MUC7: variants seen among roughly 807,000 people sequenced by gnomAD.
MUC7 encodes mucin-7.
A neutral mutation model predicts 2.5 loss-of-function variants in MUC7; 2 were observed. The ratio of observed to expected loss-of-function variants is 0.81; its 90% CI spans 0.33 to 2.55. The LOEUF (loss-of-function observed/expected upper bound fraction) is 2.55, where lower values mean the gene tolerates loss of function less well. Among genes scored for constraint, MUC7 ranks in the 30% most tolerant of loss-of-function variants. MUC7 has a pLI of 0.11. For missense variants in MUC7, 408 were observed against 455.6 expected (o/e 0.90, Z 0.95); for synonymous variants, 133 against 173.4 (o/e 0.77, Z 1.83).
rs546012438 is a variant in MUC7 at position 70,435,348 on chromosome 4, T to C, written c.-93+4661T>C. The stretch of plus-strand genomic sequence containing the variant: ...TTGTGTTGGAGTCTAAGTTTCTTTG[T>C]AGGTCTCTAAGAACTTGCTTTATGA... On this transcript the variant is annotated intron_variant, in intron 1 of 3. Transcript: ENST00000413702. Among the ~76,000 whole-genome samples, 7 of 152,344 alleles carry C rather than the reference T, an allele frequency of 4.6e-5. No individual in the cohort carries two copies. The East Asian group carries it at 1.3e-3, about 29-fold the overall frequency.
chr4:70,449,803 G>A (rs1734236648), intron 1 of MUC7, among the ~76,000 whole-genome samples: 1 of 152,012 alleles, frequency 6.6e-6, no homozygotes, highest in African/African-American at 2.4e-5. Context: ...CAAACATAGA[G>A]TCTCTCTCTC....
At chr4:70,431,624 T>G (rs1231053433) in intron 1 of MUC7, among the ~76,000 whole-genome samples, 1 of 152,186 alleles carries the variant, frequency 6.6e-6, no homozygotes, top group Non-Finnish European at 1.5e-5. Context: ...AGTTGTAGTT[T>G]TCATTGGAAT....
intron 1 of MUC7, among the ~76,000 whole-genome samples, chr4:70,455,356 C>G (rs1348174483): frequency 2.0e-5 from 3 of 152,136 alleles, no homozygotes; most frequent in South Asian, 4.1e-4. Flanking sequence ...TACATTGTTT[C>G]TGATCTCATA....
intron 1 of MUC7, among the ~76,000 whole-genome samples, chr4:70,457,595 A>C (rs11937219): frequency 0.35 from 53,293 of 152,050 alleles, 10,003 homozygotes; most frequent in Admixed American, 0.43. Flanking sequence ...ACCTGTGAAA[A>C]GAGAAGAGGA....
intron 1 of MUC7, among the ~76,000 whole-genome samples, chr4:70,472,503 C>A (rs7685356): frequency 0.014 from 2,056 of 152,206 alleles, 49 homozygotes; most frequent in African/African-American, 0.047. Context: ...AAAAACAAAT[C>A]TGACAATATA....
At chr4:70,432,946 A>G (rs1326815208) in intron 1 of MUC7, among the ~76,000 whole-genome samples, 2 of 152,168 alleles carry the variant, frequency 1.3e-5, no homozygotes, top group Admixed American at 6.5e-5. Flanking sequence ...CTTTCTACAT[A>G]TGGCTAGCCA....
chr4:70,464,709 T>G (rs1734639218), intron 1 of MUC7, among the ~76,000 whole-genome samples: 1 of 152,048 alleles, frequency 6.6e-6, no homozygotes, highest in Non-Finnish European at 1.5e-5. Flanking sequence ...TCCTCCTCTC[T>G]AGGCACGGCA....
At chr4:70,474,276 G>C (rs1309948862) in intron 2 of MUC7, among the ~76,000 whole-genome samples, 6 of 152,032 alleles carry the variant, frequency 3.9e-5, no homozygotes, top group Non-Finnish European at 7.4e-5. Context: ...GGGAAGCCTA[G>C]GAGGGAGGAT....
intron 1 of MUC7, among the ~76,000 whole-genome samples, chr4:70,441,368 G>A (rs1734000710): frequency 6.6e-6 from 1 of 152,108 alleles, no homozygotes; most frequent in Admixed American, 6.6e-5. Context: ...TGAAAATACT[G>A]GAATTGATAA....
In MUC7 at chr4:70,482,946, T is replaced by C. The variant is rs1339293604; in HGVS notation, c.*1068T>C. 6.6e-6 allele frequency: 1 copy of C among 152,362 alleles called. No individual in the cohort carries two copies. The highest frequency in any genetic ancestry group is 2.1e-4 in the South Asian group (1 of 4,830). 9.4% of individuals were successfully genotyped at this position (152,362 alleles called of 1,614,324 possible). On this transcript the variant is annotated 3_prime_UTR_variant, in exon 3 of 3. Transcript: ENST00000304887. Reference sequence around the variant, plus strand: ...CTGTCACTACTACTTAAAACTCTGATGATTATGTTAGATTTTTTTGCTAAC... The same window carrying C: ...CTGTCACTACTACTTAAAACTCTGACGATTATGTTAGATTTTTTTGCTAAC...
intron 1 of MUC7, among the ~76,000 whole-genome samples, chr4:70,454,011 T>C (rs1734355421): frequency 6.6e-6 from 1 of 152,016 alleles, no homozygotes; most frequent in Non-Finnish European, 1.5e-5. Flanking sequence ...TGAGCTTATA[T>C]TCAAAATACA....
chr4:70,456,677 C>G (rs1734423473), intron 1 of MUC7, among the ~76,000 whole-genome samples: 1 of 152,158 alleles, frequency 6.6e-6, no homozygotes, highest in Non-Finnish European at 1.5e-5. Context: ...CACAAGCTAC[C>G]TCCTTTGACA....
At chr4:70,479,268 A>T (rs571507834) in intron 2 of MUC7, among the ~76,000 whole-genome samples, 1 of 152,338 alleles carries the variant, frequency 6.6e-6, no homozygotes, top group South Asian at 2.1e-4. Context: ...TATGTGGTTC[A>T]TTCCCTCAAT....
At position 70,474,418 on chromosome 4, in the gene MUC7, C is replaced by G. The variant is rs185351884; in HGVS notation, c.54+343C>G. 3.3e-5 allele frequency among the ~76,000 whole-genome samples: 5 copies of G among 152,146 alleles called. No individual in the cohort carries two copies. In the East Asian group the frequency reaches 9.7e-4, roughly 29 times the overall value. On this transcript the variant is annotated intron_variant, in intron 2 of 2. Coordinates refer to ENST00000304887, the MANE Select transcript of MUC7 (RefSeq NM_152291.3). ...GCCTGTAATCCCAACTACTCGGAGG[C>G]TGAGGTTGGGATCTTAAGCCTGGGA... is the stretch of plus-strand genomic sequence containing the variant.
intron 1 of MUC7, among the ~76,000 whole-genome samples, chr4:70,473,273 A>G (rs1734890592): frequency 6.6e-6 from 1 of 152,008 alleles, no homozygotes; most frequent in South Asian, 2.1e-4. Flanking sequence ...TGTCTCTACA[A>G]AAAATAAAAA....
rs758265177 is a variant in MUC7 at position 70,480,915 on chromosome 4, G to A, written c.171G>A (p.Pro57=). The change falls in exon 3 of 3, where the codon CCG becomes CCA. Residue 57 remains proline (P), a synonymous_variant. Transcript: ENST00000304887. ...HYPGLLAHQK[P]FIRKSYKCLH... The stretch of plus-strand genomic sequence containing the variant: ...CTGGACTGCTAGCTCACCAGAAGCC[G>A]TTCATTAGAAAGTCCTATAAATGTC... 40 of 1,613,962 alleles carry A rather than the reference G, an allele frequency of 2.5e-5. No individual in the cohort carries two copies. Among genetic ancestry groups the A allele is most frequent in the East Asian group, 1.8e-4 (8 of 44,864 alleles).
intron 1 of MUC7, among the ~76,000 whole-genome samples, chr4:70,463,601 T>C (rs1455314699): frequency 6.6e-6 from 1 of 152,228 alleles, no homozygotes; most frequent in African/African-American, 2.4e-5. Context: ...CTGTATCCCA[T>C]ATCACAACAT....
chr4:70,460,421 G>A (rs572132360), intron 1 of MUC7, among the ~76,000 whole-genome samples: 2 of 152,178 alleles, frequency 1.3e-5, no homozygotes, highest in East Asian at 3.9e-4. Flanking sequence ...GAAAGGTGAT[G>A]GGGCCTCAGG....
Position 70,480,992 on chromosome 4 carries a change from A to C in MUC7, c.248A>C (p.Lys83Thr). The change falls in exon 3 of 3, where the codon AAA becomes ACA. Residue 83 changes from lysine (K) to threonine (T), a missense_variant. Around this residue, in one of 3 missense-constraint regions of MUC7, gnomAD observed 225 missense variants for 240.5 expected, o/e 0.94. Coordinates refer to ENST00000304887, the MANE Select transcript of MUC7 (RefSeq NM_152291.3). ...KLPPSPNNPP[K>T]FPNPHQPPKH... Reference sequence around the variant, plus strand: ...CCACCTTCACCTAATAACCCCCCCAAATTCCCAAATCCTCACCAGCCACCT... The same window carrying C: ...CCACCTTCACCTAATAACCCCCCCACATTCCCAAATCCTCACCAGCCACCT... 1.2e-6 allele frequency: 2 copies of C among 1,613,956 alleles called. No individual in the cohort carries two copies. Among genetic ancestry groups the C allele is most frequent in the Non-Finnish European group, 1.7e-6 (2 of 1,179,970 alleles).
Sources: allele counts gnomAD v4.1 joint callset (sites outside exome capture counted in the v4.1 genomes callset), GRCh38; gene constraint gnomAD v4.1.1; regional missense constraint gnomAD v4.1.1; transcripts MANE v1.5; gene names NCBI Gene and HGNC (gene_info 2026-07-23, HGNC 2026-07-21).